The following SHANK2 variants were observed in gnomAD, a reference collection of about 807,000 sequenced individuals.
The protein encoded by SHANK2 is SH3 and multiple ankyrin repeat domains 2, also known as SH3 and multiple ankyrin repeat domains protein 2.
In SHANK2, 43 loss-of-function variants were observed where a neutral mutation model predicts 133.7. The ratio of observed to expected loss-of-function variants is 0.32; its 90% CI spans 0.25 to 0.41. SHANK2 has a LOEUF of 0.41. SHANK2 is among the 10% of genes least tolerant of loss of function. The probability of loss-of-function intolerance (pLI) is 1.00; values close to 1 mark genes in which losing one functional copy is unlikely to be tolerated. For synonymous variants in SHANK2, 1,017 were observed against 952.8 expected (o/e 1.07, Z -1.24); for missense variants, 1,994 against 2,235.8 (o/e 0.89, Z 2.18).
chr11:70,799,382 G>A (rs547226000), intron 13 of SHANK2, among the ~76,000 whole-genome samples: 1 of 151,746 alleles, frequency 6.6e-6, no homozygotes, highest in South Asian at 2.1e-4. Context: ...CAGCCTGGGT[G>A]ACAGAGTGAG....
chr11:70,636,446 TGTGTGAGCAC>T lies in SHANK2; in HGVS notation c.2061+23372_2061+23381del, dbSNP rs563143454. ...GTGCAAGTGTGTGAGCATATGAATA[TGTGTGAGCAC>T]GTGTGAGCATCTGTGTATGTGTAAG... On this transcript the variant is annotated intron_variant, in intron 17 of 25. Coordinates refer to ENST00000601538, the MANE Select transcript of SHANK2 (RefSeq NM_012309.5). 1.1e-3 allele frequency among the ~76,000 whole-genome samples: 172 copies of T among 151,800 alleles called. 1 individual carries two copies. Among genetic ancestry groups the T allele is most frequent in the South Asian group, 2.7e-3 (13 of 4,794 alleles).
At chr11:70,766,919 A>C (rs1441281501) in intron 14 of SHANK2, among the ~76,000 whole-genome samples, 1 of 152,218 alleles carries the variant, frequency 6.6e-6, no homozygotes, top group Non-Finnish European at 1.5e-5. Context: ...ACGGAATTCT[A>C]AATCTGTTTT....
chr11:70,951,872 G>A (rs1364861763), intron 10 of SHANK2, among the ~76,000 whole-genome samples: 3 of 152,138 alleles, frequency 2.0e-5, no homozygotes, highest in Admixed American at 6.5e-5. Flanking sequence ...CCATCTTCAC[G>A]TGGCGTTCTA....
At chr11:71,121,523 C>T (rs1413364011) in intron 3 of SHANK2, among the ~76,000 whole-genome samples, 1 of 152,202 alleles carries the variant, frequency 6.6e-6, no homozygotes, top group Non-Finnish European at 1.5e-5. Context: ...ATTGCCTGTT[C>T]ACTCTGATGG....
intron 15 of SHANK2, among the ~76,000 whole-genome samples, chr11:70,676,822 A>G (rs1944913268): frequency 6.6e-6 from 1 of 152,140 alleles, no homozygotes; most frequent in African/African-American, 2.4e-5. Flanking sequence ...AGGATTCATG[A>G]GCCCCAGTGA....
intron 3 of SHANK2, among the ~76,000 whole-genome samples, chr11:71,142,303 C>T (rs1278478245): frequency 1.3e-5 from 2 of 152,174 alleles, no homozygotes; most frequent in African/African-American, 4.8e-5. Context: ...GAGTTGGACA[C>T]CAGCCTGGCC....
chr11:70,784,536 C>T (rs2135133493), intron 14 of SHANK2, among the ~76,000 whole-genome samples: 1 of 151,808 alleles, frequency 6.6e-6, no homozygotes, highest in South Asian at 2.1e-4. Flanking sequence ...AACTCCTGAC[C>T]TCTCAGGTGA....
At chr11:70,575,716 G>A (rs1182228341) in intron 17 of SHANK2, among the ~76,000 whole-genome samples, 3 of 151,612 alleles carry the variant, frequency 2.0e-5, no homozygotes, top group South Asian at 2.1e-4. Flanking sequence ...TGGGTGGGGG[G>A]CGCAGGATGA....
intron 10 of SHANK2, among the ~76,000 whole-genome samples, chr11:70,951,551 C>T (rs898601130): frequency 6.6e-6 from 1 of 150,980 alleles, no homozygotes; most frequent in Non-Finnish European, 1.5e-5. Context: ...CCCCTGGCTG[C>T]TGCGTGGTGA....
intron 14 of SHANK2, among the ~76,000 whole-genome samples, chr11:70,735,336 T>A (rs1429545734): frequency 6.6e-6 from 1 of 151,988 alleles, no homozygotes; most frequent in Non-Finnish European, 1.5e-5. Flanking sequence ...TGCAGGGAAC[T>A]CCAGAGAGGA....
At chr11:70,897,210 G>A (rs782639891) in intron 10 of SHANK2, among the ~76,000 whole-genome samples, 9 of 152,174 alleles carry the variant, frequency 5.9e-5, no homozygotes, top group Non-Finnish European at 1.3e-4. Flanking sequence ...ATCCTAGGAT[G>A]GCCATGGAGA....
Position 71,147,421 on chromosome 11 carries a change from G to T in SHANK2, c.-12-83C>A, listed in dbSNP as rs1952677419. On this transcript the variant is annotated intron_variant, in intron 2 of 25. Transcript: ENST00000601538. ...CAGGGGCACGGTGGACACTGGCGCTGGAACACACGTGGGCTCGGTTTCACA... is the reference window on the plus strand; with the variant it reads ...CAGGGGCACGGTGGACACTGGCGCTTGAACACACGTGGGCTCGGTTTCACA... 5 of 1,168,892 alleles carry T rather than the reference G, an allele frequency of 4.3e-6. No homozygotes were observed. The East Asian group carries it at 1.1e-4, about 25-fold the overall frequency. The allele number at this position is 1,168,892 out of a possible 1,614,324, so 72.4% of individuals were successfully genotyped here.
In SHANK2 at chr11:70,890,570, C is replaced by T. The variant is rs140256155; in HGVS notation, c.1174+5931G>A. Among the ~76,000 whole-genome samples, 668 of 151,744 alleles carry T rather than the reference C, an allele frequency of 4.4e-3. 8 individuals are homozygous for T. Among genetic ancestry groups the T allele is most frequent in the African/African-American group, 0.014 (583 of 41,364 alleles). Reference sequence around the variant, plus strand: ...ATCCCAGTACTTTGGGAGGCTGAGGCGGGCGGATCACCTGTGGTTCAGAGT... The same window carrying T: ...ATCCCAGTACTTTGGGAGGCTGAGGTGGGCGGATCACCTGTGGTTCAGAGT... On this transcript the variant is annotated intron_variant, in intron 11 of 25. Coordinates refer to ENST00000601538, the MANE Select transcript of SHANK2 (RefSeq NM_012309.5).
At chr11:70,945,323 G>C (rs1455184347) in intron 10 of SHANK2, among the ~76,000 whole-genome samples, 2 of 152,164 alleles carry the variant, frequency 1.3e-5, no homozygotes, top group African/African-American at 4.8e-5. Flanking sequence ...GTGGAGGCCT[G>C]GGAGGCTTGA....
rs1952673460 is a variant in SHANK2, at chr11:71,147,290, C to A, written c.37G>T (p.Ala13Ser). The A allele has an allele frequency of 1.9e-6, 3 of 1,551,022 alleles. No individual in the cohort carries two copies. The highest frequency in any genetic ancestry group is 2.6e-6 in the Non-Finnish European group (3 of 1,146,914). The change falls in exon 3 of 26, where the codon GCC becomes TCC. Residue 13 changes from alanine (A) to serine (S), a missense_variant. Physicochemically the swap from Ala to Ser is moderately conservative, Grantham distance 99. Around this residue, in one of 5 missense-constraint regions of SHANK2, gnomAD observed 653 missense variants for 563.4 expected, o/e 1.16. Coordinates refer to ENST00000601538, the MANE Select transcript of SHANK2 (RefSeq NM_012309.5). ...RSPTSSEDEM[A>S]QSFSDYSVGS... ...ACGGAGTAGTCGGAGAAGCTCTGGG[C>A]CATCTCGTCCTCGCTGGATGTTGGG...
intron 2 of SHANK2, among the ~76,000 whole-genome samples, chr11:71,166,482 C>T (rs7110226): frequency 0.49 from 66,971 of 136,580 alleles, 17,062 homozygotes; most frequent in South Asian, 0.65. Context: ...TCTTTTTTTT[C>T]TTTTCTTTTT....
rs527513440 is a variant in SHANK2, at chr11:70,820,563, C to T, written c.1294G>A (p.Asp432Asn). The change falls in exon 12 of 26, where the codon GAC becomes AAC. Residue 432 changes from aspartate (D) to asparagine (N), a missense_variant. This residue lies in a region of SHANK2 where 653 missense variants were observed against 563.4 expected (regional missense o/e 1.16). Transcript: ENST00000601538. ...GTGGCCGTGGAGCAGACGGCCCAGT[C>T]GGGAGCGCTGGCATTGAGGTTGTTG... ...SDNNLNASAP[D>N]WAVCSTATSH... is the part of the protein sequence containing the mutation. The T allele has an allele frequency of 3.3e-5, 24 of 716,948 alleles. 1 individual carries two copies. Among genetic ancestry groups the T allele is most frequent in the Admixed American group, 1.2e-4 (6 of 50,000 alleles). 44.4% of individuals were successfully genotyped at this position (716,948 alleles called of 1,614,324 possible).
intron 1 of SHANK2, among the ~76,000 whole-genome samples, chr11:71,243,341 A>G (rs1395629268): frequency 1.3e-5 from 2 of 152,216 alleles, no homozygotes; most frequent in African/African-American, 2.4e-5. Context: ...AAAAGAAGGG[A>G]AGACTCAAAT....
chr11:70,873,489 G>A (rs1949504958), intron 11 of SHANK2, among the ~76,000 whole-genome samples: 1 of 152,192 alleles, frequency 6.6e-6, no homozygotes, highest in South Asian at 2.1e-4. Flanking sequence ...GCCCAGAGGT[G>A]AGGCAGTTGG....
Sources: gnomAD v4.1 joint callset for allele counts (sites outside exome capture counted in the v4.1 genomes callset) on GRCh38, gnomAD v4.1.1 for gene constraint, gnomAD v4.1.1 regional missense constraint, MANE v1.5 for transcripts, NCBI Gene and HGNC (gene_info 2026-07-23, HGNC 2026-07-21) for gene names.